Variants in PIK3C2A observed in about 807,000 individuals in gnomAD.
PIK3C2A encodes phosphatidylinositol 4-phosphate 3-kinase C2 domain-containing subunit alpha.
In PIK3C2A, 97 loss-of-function variants were observed where a neutral mutation model predicts 204.5. The observed-to-expected ratio is 0.47, with a 90% confidence interval of 0.40 to 0.56. The LOEUF is 0.56. PIK3C2A is among the 20% of genes least tolerant of loss of function. The pLI is 0.00. For missense variants in PIK3C2A, 1,735 were observed against 1,969.2 expected (o/e 0.88, Z 2.25); for synonymous variants, 653 against 664.4 (o/e 0.98, Z 0.26).
chr11:17,168,771 T>C lies in PIK3C2A; in HGVS notation c.971A>G (p.Asn324Ser). 1 of 1,613,938 alleles carries C rather than the reference T, an allele frequency of 6.2e-7. No individual in the cohort carries two copies. The highest frequency in any genetic ancestry group is 8.5e-7 in the Non-Finnish European group (1 of 1,179,864). Residue 324 changes from asparagine to serine, a missense_variant, in exon 2 of 33, where the codon AAT becomes AGT. Physicochemically the swap from Asn to Ser is conservative, Grantham distance 46. This residue lies in a region of PIK3C2A where 536 missense variants were observed against 546.7 expected (regional missense o/e 0.98). Coordinates refer to ENST00000691414, the MANE Select transcript of PIK3C2A (RefSeq NM_002645.4). ...TANCHLERKV[N>S]GKSLSVATVT... ...AGTTGCCACAGAAAGGGATTTTCCA[T>C]TCACCTTTCTTTCAAGATGACAATT...
intron 1 of PIK3C2A, among the ~76,000 whole-genome samples, chr11:17,200,729 T>C (rs1472559183): frequency 6.6e-6 from 1 of 152,184 alleles, no homozygotes; most frequent in African/African-American, 2.4e-5. Flanking sequence ...AATTCATCTG[T>C]TTTAGCAGAA....
At chr11:17,163,172 G>C (rs529977179) in intron 2 of PIK3C2A, among the ~76,000 whole-genome samples, 13 of 152,034 alleles carry the variant, frequency 8.6e-5, no homozygotes, top group Non-Finnish European at 1.6e-4. Flanking sequence ...AGGGCATGGT[G>C]GCATGCACCT....
chr11:17,122,206 T>C lies in PIK3C2A; in HGVS notation c.2639A>G (p.His880Arg). ...DIKGKLLDILHKDSSLGLSKE... is the reference protein window; with the variant it reads ...DIKGKLLDILRKDSSLGLSKE... ...AACATACCCAAGTGATGAGTCTTTA[T>C]GAAGAATATCAAGAAGTTTCCCTTT... Residue 880 changes from histidine (H) to arginine (R), a missense_variant, in exon 15 of 33, where the codon CAT (histidine) becomes CGT (arginine). This residue lies in a region of PIK3C2A where 567 missense variants were observed against 576.0 expected (regional missense o/e 0.98). Transcript: ENST00000691414. The C allele has an allele frequency of 6.3e-7, 1 of 1,584,548 alleles. No homozygotes were observed.
intron 2 of PIK3C2A, among the ~76,000 whole-genome samples, chr11:17,166,100 C>T (rs1053045802): frequency 6.6e-6 from 1 of 152,036 alleles, no homozygotes; most frequent in African/African-American, 2.4e-5. Context: ...TAATTAATTG[C>T]AATACCATTA....
At chr11:17,125,143 GTT>G (rs1359645441) in intron 13 of PIK3C2A, among the ~76,000 whole-genome samples, 2 of 152,078 alleles carry the variant, frequency 1.3e-5, no homozygotes, top group Non-Finnish European at 2.9e-5. Context: ...CTATTTAATG[GTT>G]TTAGGAAGGC....
intron 21 of PIK3C2A, among the ~76,000 whole-genome samples, chr11:17,110,905 T>G (rs553282753): frequency 1.3e-5 from 2 of 152,178 alleles, no homozygotes; most frequent in South Asian, 4.2e-4. Context: ...AATTATTTAT[T>G]TATTTATTTA....
intron 2 of PIK3C2A, among the ~76,000 whole-genome samples, chr11:17,156,641 C>T (rs1366185080): frequency 6.6e-6 from 1 of 152,174 alleles, no homozygotes; most frequent in African/African-American, 2.4e-5. Flanking sequence ...CCTCAGCACA[C>T]AAGATGATTC....
Position 17,134,738 on chromosome 11 carries a change from C to A in PIK3C2A, c.2108+81G>T. ...CTGGTCTCCAACTCCTGGGGTCAAG[C>A]AATCCTCCCACTGTGGCCTCACAAA... On this transcript the variant is annotated intron_variant, in intron 11 of 32. Transcript: ENST00000691414. 1.1e-5 allele frequency: 11 copies of A among 1,011,602 alleles called. No individual in the cohort carries two copies. The South Asian group carries it at 1.5e-4, about 14-fold the overall frequency. The allele number at this position is 1,011,602 out of a possible 1,614,324, so 62.7% of individuals were successfully genotyped here.
At chr11:17,100,216 G>A (rs923515395) in intron 25 of PIK3C2A, among the ~76,000 whole-genome samples, 6 of 127,528 alleles carry the variant, frequency 4.7e-5, no homozygotes, top group Admixed American at 4.0e-4. Context: ...GTGAGATCCA[G>A]ATCTCCTTTT....
At chr11:17,143,620 T>C (rs1307520412) in intron 8 of PIK3C2A, among the ~76,000 whole-genome samples, 2 of 62,308 alleles carry the variant, frequency 3.2e-5, no homozygotes, top group Non-Finnish European at 5.9e-5. Flanking sequence ...AGAAAGAATA[T>C]GTTAAAAAAA....
intron 26 of PIK3C2A, among the ~76,000 whole-genome samples, chr11:17,099,336 T>C (rs1307182659): frequency 1.3e-5 from 2 of 152,186 alleles, no homozygotes; most frequent in East Asian, 1.9e-4. Context: ...TCCATGGAAA[T>C]TGTTAAGACA....
intron 1 of PIK3C2A, among the ~76,000 whole-genome samples, chr11:17,190,440 G>A (rs1851900615): frequency 6.6e-6 from 1 of 151,250 alleles, no homozygotes; most frequent in Non-Finnish European, 1.5e-5. Context: ...GCGTGGTGGT[G>A]CGCACCTGTA....
intron 8 of PIK3C2A, among the ~76,000 whole-genome samples, chr11:17,142,942 G>A (rs1462208481): frequency 1.3e-5 from 2 of 151,408 alleles, no homozygotes; most frequent in South Asian, 2.1e-4. Flanking sequence ...TGGCTCCTGC[G>A]GCAGGGGGCG....
Position 17,169,536 on chromosome 11 carries a change from T to C in PIK3C2A, c.206A>G (p.Asn69Ser). The change falls in exon 2 of 33, where the codon AAC becomes AGC. Residue 69 changes from asparagine (N) to serine (S), a missense_variant. Physicochemically the swap from Asn to Ser is conservative, Grantham distance 46 (BLOSUM62 1). Coordinates refer to ENST00000691414, the MANE Select transcript of PIK3C2A (RefSeq NM_002645.4). Reference protein sequence around the residue: ...SSTRKKAQVYNKQDYDLMVFP... With the variant: ...SSTRKKAQVYSKQDYDLMVFP... ...CACCATGAGATCATAATCCTGCTTG[T>C]TATAAACCTGTGCTTTTTTTCTGGT... 6.2e-7 allele frequency: 1 copy of C among 1,614,176 alleles called. No homozygotes were observed. Among genetic ancestry groups the C allele is most frequent in the South Asian group, 1.1e-5 (1 of 91,078 alleles).
At chr11:17,092,093 A>G (rs1848327828) in intron 29 of PIK3C2A, 25 bp from the exon 30 acceptor site, 1 of 1,538,862 alleles carries the variant, frequency 6.5e-7, no homozygotes, top group African/African-American at 1.4e-5. Flanking sequence ...AAAGCAATTC[A>G]TTAGTTTAAA....
intron 2 of PIK3C2A, among the ~76,000 whole-genome samples, chr11:17,163,166 C>T (rs968473131): frequency 6.6e-6 from 1 of 151,954 alleles, no homozygotes; most frequent in Non-Finnish European, 1.5e-5. Context: ...ATTAGCAGGG[C>T]ATGGTGGCAT....
intron 8 of PIK3C2A, among the ~76,000 whole-genome samples, chr11:17,139,004 T>A (rs1024613345): frequency 3.3e-5 from 5 of 151,622 alleles, no homozygotes; most frequent in African/African-American, 1.2e-4. Context: ...GCCTCCCAGG[T>A]TCAAGCGTTT....
chr11:17,131,593 T>G (rs929114051), intron 12 of PIK3C2A, among the ~76,000 whole-genome samples: 1 of 151,986 alleles, frequency 6.6e-6, no homozygotes, highest in Non-Finnish European at 1.5e-5. Context: ...GGCTAATTTT[T>G]TGTATTTTTA....
chr11:17,168,792 C>G lies in PIK3C2A; in HGVS notation c.950G>C (p.Cys317Ser). The change falls in exon 2 of 33, where the codon TGT (cysteine) becomes TCT (serine). Residue 317 changes from cysteine to serine, a missense_variant. This residue lies in a region of PIK3C2A where 536 missense variants were observed against 546.7 expected (regional missense o/e 0.98). Transcript: ENST00000691414. ...VLLEERSTAN[C>S]HLERKVNGKS... ...TCCATTCACCTTTCTTTCAAGATGACAATTTGCTGTCGATCTCTCTTCAAG... is the reference window on the plus strand; with the variant it reads ...TCCATTCACCTTTCTTTCAAGATGAGAATTTGCTGTCGATCTCTCTTCAAG... The G allele has an allele frequency of 6.2e-7, 1 of 1,613,946 alleles. No homozygotes were observed. The highest frequency in any genetic ancestry group is 8.5e-7 in the Non-Finnish European group (1 of 1,179,938).
Sources: allele counts gnomAD v4.1 joint callset (sites outside exome capture counted in the v4.1 genomes callset), GRCh38; gene constraint gnomAD v4.1.1; regional missense constraint gnomAD v4.1.1; transcripts MANE v1.5; gene names NCBI Gene and HGNC (gene_info 2026-07-23, HGNC 2026-07-21).